SORCS2: variants seen among roughly 807,000 people sequenced by gnomAD.
SORCS2 encodes the protein sortilin related VPS10 domain containing receptor 2, also known as VPS10 domain-containing receptor SorCS2.
A neutral mutation model predicts 141.6 loss-of-function variants in SORCS2; 100 were observed. That is an observed-to-expected ratio of 0.71 (90% CI 0.60 to 0.83). The LOEUF (loss-of-function observed/expected upper bound fraction) is 0.83, where lower values mean the gene tolerates loss of function less well. SORCS2 is among the 40% of genes least tolerant of loss of function. SORCS2 has a pLI of 0.00. For missense variants in SORCS2, 1,646 were observed against 1,560.2 expected, an observed-to-expected ratio of 1.05 and a Z score of -0.93; for synonymous variants, 789 against 676.9, an observed-to-expected ratio of 1.17 and a Z score of -2.57.
chr4:7,663,581 G>A lies in SORCS2; in HGVS notation c.953-772G>A, dbSNP rs138955187. ...GCCTTCTGCCTCCTCTGAACAGACCGGGCAGGTGGGCCCACCCCATTGTTC... is the reference window on the plus strand; with the variant it reads ...GCCTTCTGCCTCCTCTGAACAGACCAGGCAGGTGGGCCCACCCCATTGTTC... On this transcript the variant is annotated intron_variant, in intron 6 of 26. Transcript: ENST00000507866. The surrounding 1 kb of genome is among the most constrained non-coding windows in gnomAD (Gnocchi z 4.8). Among the ~76,000 whole-genome samples, 16 of 152,326 alleles carry A rather than the reference G, an allele frequency of 1.1e-4. No individual in the cohort carries two copies. Among genetic ancestry groups the A allele is most frequent in the African/African-American group, 2.2e-4 (9 of 41,570 alleles).
chr4:7,496,488 C>CCCCCA (rs1265124286), intron 2 of SORCS2, among the ~76,000 whole-genome samples: 101 of 147,274 alleles, frequency 6.9e-4, no homozygotes, highest in Non-Finnish European at 1.3e-3. Flanking sequence ...CATCCCCCAT[C>CCCCCA]TCAGGGCAGT....
At chr4:7,338,003 A>G (rs1436722815) in intron 1 of SORCS2, among the ~76,000 whole-genome samples, 3 of 151,956 alleles carry the variant, frequency 2.0e-5, no homozygotes, top group Non-Finnish European at 4.4e-5. Context: ...TTGCATCCCC[A>G]TCACCTGGGC....
intron 1 of SORCS2, among the ~76,000 whole-genome samples, chr4:7,348,260 C>G (rs189063810): frequency 5.3e-5 from 8 of 152,232 alleles, no homozygotes; most frequent in Admixed American, 3.3e-4. Context: ...AGCTTTCTCA[C>G]AAGGATTATG....
At chr4:7,362,400 A>G (rs1721632032) in intron 1 of SORCS2, among the ~76,000 whole-genome samples, 1 of 152,072 alleles carries the variant, frequency 6.6e-6, no homozygotes. Context: ...GGAGAATCTC[A>G]GGCCCTGATC....
intron 14 of SORCS2, among the ~76,000 whole-genome samples, chr4:7,708,475 G>C: frequency 6.6e-6 from 1 of 152,154 alleles, no homozygotes; most frequent in Non-Finnish European, 1.5e-5. Flanking sequence ...CCGCTGGCCG[G>C]CCGACCTTTG....
At chr4:7,519,912 G>T (rs1733217489) in intron 2 of SORCS2, among the ~76,000 whole-genome samples, 2 of 152,244 alleles carry the variant, frequency 1.3e-5, no homozygotes, top group East Asian at 1.9e-4. Context: ...CTGTTAAGCA[G>T]GCGGGGCAGG....
intron 9 of SORCS2, among the ~76,000 whole-genome samples, chr4:7,681,530 T>G (rs1313427268): frequency 6.6e-6 from 1 of 152,198 alleles, no homozygotes; most frequent in Admixed American, 6.5e-5. Context: ...CAGAAAGGAA[T>G]GCGATTCCAC....
intron 1 of SORCS2, among the ~76,000 whole-genome samples, chr4:7,388,839 G>A (rs987272080): frequency 1.3e-5 from 2 of 152,140 alleles, no homozygotes; most frequent in African/African-American, 4.8e-5. Context: ...GAGCACCCCC[G>A]GCGATCCCCC....
At chr4:7,424,447 C>T (rs971547054) in intron 2 of SORCS2, among the ~76,000 whole-genome samples, 4 of 152,322 alleles carry the variant, frequency 2.6e-5, no homozygotes, top group African/African-American at 4.8e-5. Flanking sequence ...CCAGTGTGAA[C>T]GCTGTGCCCA....
In SORCS2 at chr4:7,723,895, G is replaced by T. The variant is rs746091536; in HGVS notation, c.2611+12G>T. The T allele has an allele frequency of 6.3e-7, 1 of 1,591,026 alleles. No individual in the cohort carries two copies. The highest frequency in any genetic ancestry group is 8.5e-7 in the Non-Finnish European group (1 of 1,172,932). On this transcript the variant is annotated intron_variant, in intron 19 of 26. Transcript: ENST00000507866. ...TGTCCAGGTCAACTGTAAGTTTATTGCCCCTTTGAGGCCAAAGGTCACTCC... is the reference window on the plus strand; with the variant it reads ...TGTCCAGGTCAACTGTAAGTTTATTTCCCCTTTGAGGCCAAAGGTCACTCC...
At chr4:7,297,593 C>T (rs1267641094) in intron 1 of SORCS2, among the ~76,000 whole-genome samples, 1 of 152,216 alleles carries the variant, frequency 6.6e-6, no homozygotes, top group Non-Finnish European at 1.5e-5. Flanking sequence ...TGTAAGCTCC[C>T]TTCCTGTCCC....
intron 2 of SORCS2, among the ~76,000 whole-genome samples, chr4:7,413,794 C>T (rs1235980242): frequency 2.6e-5 from 4 of 152,158 alleles, no homozygotes; most frequent in Non-Finnish European, 5.9e-5. Flanking sequence ...TTCTGATTTT[C>T]ACTAATGCCG....
chr4:7,303,334 C>G (rs930783437), intron 1 of SORCS2, among the ~76,000 whole-genome samples: 3 of 152,178 alleles, frequency 2.0e-5, no homozygotes, highest in Non-Finnish European at 4.4e-5. Flanking sequence ...AATGGATGCT[C>G]TCTGCTGGTG....
intron 2 of SORCS2, among the ~76,000 whole-genome samples, chr4:7,471,216 C>T (rs1024794359): frequency 6.6e-6 from 1 of 152,208 alleles, no homozygotes; most frequent in African/African-American, 2.4e-5. Flanking sequence ...CCCCGCCGGC[C>T]CCGCTTCCCC....
At chr4:7,206,865 G>C (rs572273848) in intron 1 of SORCS2, among the ~76,000 whole-genome samples, 3 of 152,308 alleles carry the variant, frequency 2.0e-5, no homozygotes, top group African/African-American at 7.2e-5. Context: ...AGAAACCCAT[G>C]AGATGGGTTT....
chr4:7,200,360 G>A (rs1456660741), intron 1 of SORCS2, among the ~76,000 whole-genome samples: 1 of 151,992 alleles, frequency 6.6e-6, no homozygotes, highest in Non-Finnish European at 1.5e-5. Context: ...CCTCCCTGGG[G>A]AGCCCTGGGT....
intron 12 of SORCS2, among the ~76,000 whole-genome samples, chr4:7,701,662 G>A (rs988825298): frequency 6.6e-6 from 1 of 152,272 alleles, no homozygotes; most frequent in Admixed American, 6.5e-5. Context: ...CCAAGGGTGT[G>A]GCCTGCCGGC....
chr4:7,564,432 G>T (rs1045400543), intron 3 of SORCS2, among the ~76,000 whole-genome samples: 2 of 152,180 alleles, frequency 1.3e-5, no homozygotes, highest in Non-Finnish European at 1.5e-5. Context: ...TTTCTGTAAG[G>T]ACACTAGTCA....
chr4:7,740,472 T>C lies in SORCS2; in HGVS notation c.*208T>C. 1 of 582,814 alleles carries C rather than the reference T, an allele frequency of 1.7e-6. No homozygotes were observed. Among genetic ancestry groups the C allele is most frequent in the Non-Finnish European group, 3.1e-6 (1 of 325,054 alleles). 36.1% of individuals were successfully genotyped at this position (582,814 alleles called of 1,614,324 possible). A position where few individuals can be genotyped will look rare whatever the true frequency, so the allele number is the denominator to read the frequency against. ...GGGACCCCCCGGGACTCCCCGGACATGGCCCTGCCCCTATGGGACACCAGG... is the reference window on the plus strand; with the variant it reads ...GGGACCCCCCGGGACTCCCCGGACACGGCCCTGCCCCTATGGGACACCAGG... On this transcript the variant is annotated 3_prime_UTR_variant, in exon 27 of 27. Transcript: ENST00000507866.
Sources: allele counts gnomAD v4.1 joint callset (sites outside exome capture counted in the v4.1 genomes callset), GRCh38; gene constraint gnomAD v4.1.1; non-coding constraint Gnocchi (gnomAD v3.1); transcripts MANE v1.5; gene names NCBI Gene and HGNC (gene_info 2026-07-23, HGNC 2026-07-21).